The following VPS26B variants were observed in gnomAD, a reference collection of about 807,000 sequenced individuals.
VPS26B encodes the protein vacuolar protein sorting-associated protein 26B.
In VPS26B, 10 loss-of-function variants were observed where a neutral mutation model predicts 33.3. The ratio of observed to expected loss-of-function variants is 0.30; its 90% CI spans 0.19 to 0.51. The LOEUF (loss-of-function observed/expected upper bound fraction) is 0.51, where lower values mean the gene tolerates loss of function less well. Among genes scored for constraint, VPS26B ranks in the 20% least tolerant of loss-of-function variants. The pLI, the probability that VPS26B is intolerant of heterozygous loss-of-function variation, is 0.98. For synonymous variants in VPS26B, 190 were observed against 176.9 expected (o/e 1.07, Z -0.59); for missense variants, 317 against 452.7 (o/e 0.70, Z 2.72).
chr11:134,242,960 G>A (rs558633096), intron 3 of VPS26B, among the ~76,000 whole-genome samples, 159 bp from the exon 4 acceptor site: 76 of 152,248 alleles, frequency 5.0e-4, no homozygotes, highest in African/African-American at 1.6e-3. Flanking sequence ...ACCGCACTGG[G>A]AAACAGTTCA....
chr11:134,235,196 T>C (rs1938613586), intron 2 of VPS26B, 143 bp downstream of exon 2: 1 of 1,088,012 alleles, frequency 9.2e-7, no homozygotes, highest in Non-Finnish European at 1.3e-6. Flanking sequence ...TGGTAAACCA[T>C]TAACCGTGGG....
In VPS26B at chr11:134,245,583, G is replaced by C; in HGVS notation, c.1004G>C (p.Arg335Thr). 1 of 1,609,894 alleles carries C rather than the reference G, an allele frequency of 6.2e-7. No individual in the cohort carries two copies. The highest frequency in any genetic ancestry group is 1.3e-5 in the African/African-American group (1 of 75,024). ...AGCCAGCTGTCTGACAACAACTGCA[G>C]GCAGTAGGCCCCCAGGGCCGAGAAG... is the stretch of plus-strand genomic sequence containing the variant. Reference protein sequence around the residue: ...TPSQLSDNNCRQ With the variant: ...TPSQLSDNNCTQ The change falls in exon 6 of 6, where the codon AGG (arginine) becomes ACG (threonine). Residue 335 changes from arginine to threonine, a missense_variant. Coordinates refer to ENST00000281187, the MANE Select transcript of VPS26B (RefSeq NM_052875.5). The surrounding 1 kb of genome is among the most constrained non-coding windows in gnomAD (Gnocchi z 4.7).
At chr11:134,237,044 A>G (rs1239434963) in intron 2 of VPS26B, among the ~76,000 whole-genome samples, 1 of 152,234 alleles carries the variant, frequency 6.6e-6, no homozygotes, top group Non-Finnish European at 1.5e-5. Context: ...TGCGAAAGAG[A>G]GGAGGTAGAG....
At position 134,240,779 on chromosome 11, in the gene VPS26B, G is replaced by C. The variant is rs1293123486; in HGVS notation, c.545+624G>C. Among the ~76,000 whole-genome samples the C allele has an allele frequency of 7.2e-6, 1 of 138,022 alleles. No homozygotes were observed. The highest frequency in any genetic ancestry group is 2.8e-5 in the African/African-American group (1 of 36,180). 90.5% of individuals were successfully genotyped at this position (138,022 alleles called of 152,430 possible). A position where few individuals can be genotyped will look rare whatever the true frequency, so the allele number is the denominator to read the frequency against. On this transcript the variant is annotated intron_variant, in intron 3 of 5. Transcript: ENST00000281187. The surrounding 1 kb of genome is among the most constrained non-coding windows in gnomAD (Gnocchi z 4.4). ...ACACCCAGCTAATTTGTGTCCGTGT[G>C]TGTGTGTGTGTGTCCGTGTGTGTGT...
chr11:134,228,350 C>G (rs1476276225), intron 1 of VPS26B, among the ~76,000 whole-genome samples: 1 of 150,508 alleles, frequency 6.6e-6, no homozygotes, highest in Non-Finnish European at 1.5e-5. Context: ...ATTAGAATAA[C>G]CTTTGTAGTT....
intron 2 of VPS26B, chr11:134,239,596 A>G: frequency 5.0e-6 from 1 of 201,530 alleles, no homozygotes. Context: ...CCCAAAAGCC[A>G]GGAGTTAGCT....
intron 1 of VPS26B, among the ~76,000 whole-genome samples, chr11:134,229,041 A>AT (rs910003872): frequency 6.6e-6 from 1 of 152,020 alleles, no homozygotes; most frequent in African/African-American, 2.4e-5. Flanking sequence ...TATTTAAAAA[A>AT]TTTTTTGAGA....
In VPS26B at chr11:134,245,795, G is replaced by A. The variant is rs755464768; in HGVS notation, c.*205G>A. ...AAGCAGTCTCTCCTTGGGATTCTGC[G>A]GCCGATGTGGGATAGAAGAGGTAGC... is the stretch of plus-strand genomic sequence containing the variant. On this transcript the variant is annotated 3_prime_UTR_variant, in exon 6 of 6. Coordinates refer to ENST00000281187, the MANE Select transcript of VPS26B (RefSeq NM_052875.5). This position sits in a 1 kb window ranked among gnomAD's most constrained non-coding sequence, Gnocchi z 4.7. 3.8e-5 allele frequency: 25 copies of A among 654,458 alleles called. No homozygotes were observed. The highest frequency in any genetic ancestry group is 8.5e-5 in the South Asian group (4 of 46,858). 40.5% of individuals were successfully genotyped at this position (654,458 alleles called of 1,614,324 possible).
chr11:134,238,919 A>T (rs1053857891), intron 2 of VPS26B, among the ~76,000 whole-genome samples: 13 of 152,206 alleles, frequency 8.5e-5, no homozygotes, highest in African/African-American at 2.7e-4. Flanking sequence ...TCATCTGGTA[A>T]TGCTTGACAG....
chr11:134,225,633 G>A (rs1000983281), intron 1 of VPS26B, among the ~76,000 whole-genome samples: 6 of 152,234 alleles, frequency 3.9e-5, no homozygotes, highest in Admixed American at 3.9e-4. Context: ...TCTCCCCATT[G>A]TCTCCGGCAT....
rs758625063 is a variant in VPS26B at position 134,240,600 on chromosome 11, A to G, written c.545+445A>G. On this transcript the variant is annotated intron_variant, in intron 3 of 5. Transcript: ENST00000281187. This position sits in a 1 kb window ranked among gnomAD's most constrained non-coding sequence, Gnocchi z 4.4. Reference sequence around the variant, plus strand: ...CCATGATTTGCTGCTTCCTCCCTGAACTAAAATGAATTATAGCAAAGAATA... The same window carrying G: ...CCATGATTTGCTGCTTCCTCCCTGAGCTAAAATGAATTATAGCAAAGAATA... Among the ~76,000 whole-genome samples, 8 of 152,180 alleles carry G rather than the reference A, an allele frequency of 5.3e-5. No individual in the cohort carries two copies. The highest frequency in any genetic ancestry group is 1.0e-4 in the Non-Finnish European group (7 of 68,030).
chr11:134,242,801 T>G (rs1420835706), intron 3 of VPS26B, among the ~76,000 whole-genome samples: 1 of 152,222 alleles, frequency 6.6e-6, no homozygotes, highest in African/African-American at 2.4e-5. Context: ...CATTAGGATA[T>G]CTTTCAAAAA....
chr11:134,241,850 A>T (rs1039829003), intron 3 of VPS26B, among the ~76,000 whole-genome samples: 1 of 152,246 alleles, frequency 6.6e-6, no homozygotes, highest in African/African-American at 2.4e-5. Flanking sequence ...TTGGGCGGTC[A>T]GCAGATACTA....
intron 3 of VPS26B, among the ~76,000 whole-genome samples, chr11:134,242,741 C>T (rs911948285): frequency 2.0e-5 from 3 of 152,226 alleles, no homozygotes; most frequent in African/African-American, 7.2e-5. Flanking sequence ...GTGTGGAGAT[C>T]AGAGGAAGGG....
intron 1 of VPS26B, 23 bp downstream of exon 1, chr11:134,225,368 C>T (rs1938430764): frequency 2.5e-6 from 4 of 1,611,564 alleles, no homozygotes; most frequent in Middle Eastern, 1.6e-4. Flanking sequence ...CCGGGACCCC[C>T]TCCCCCAGCG....
At chr11:134,237,107 T>C (rs1434234245) in intron 2 of VPS26B, among the ~76,000 whole-genome samples, 1 of 152,218 alleles carries the variant, frequency 6.6e-6, no homozygotes, top group Non-Finnish European at 1.5e-5. Flanking sequence ...GATTAAAAGC[T>C]TTTTCTTATT....
chr11:134,225,309 C>T lies in VPS26B; in HGVS notation c.187C>T (p.His63Tyr). The change falls in exon 1 of 6, where the codon CAC (histidine) becomes TAC (tyrosine). Residue 63 changes from histidine (H) to tyrosine (Y), a missense_variant. Physicochemically the swap from His to Tyr is moderately conservative, Grantham distance 83. Coordinates refer to ENST00000281187, the MANE Select transcript of VPS26B (RefSeq NM_052875.5). The stretch of plus-strand genomic sequence containing the variant: ...CAAGAACCCCAACAAGCGGCTGGAG[C>T]ACCAGGGCATCAAGATCGAGTTCAT... ...ALKNPNKRLEHQGIKIEFIGQ... is the reference protein window; with the variant it reads ...ALKNPNKRLEYQGIKIEFIGQ... 2 of 1,614,052 alleles carry T rather than the reference C, an allele frequency of 1.2e-6. No individual in the cohort carries two copies. The highest frequency in any genetic ancestry group is 1.7e-5 in the Admixed American group (1 of 60,028).
intron 1 of VPS26B, among the ~76,000 whole-genome samples, chr11:134,226,319 T>G (rs753267727): frequency 1.9e-4 from 29 of 152,052 alleles, no homozygotes; most frequent in Admixed American, 5.9e-4. Context: ...GATGGGAGGA[T>G]TGTTTGAACC....
Position 134,225,008 on chromosome 11 carries a change from C to A in VPS26B, c.-115C>A, listed in dbSNP as rs1467376984. The A allele has an allele frequency of 2.0e-6, 2 of 992,800 alleles. No individual in the cohort carries two copies. Among genetic ancestry groups the A allele is most frequent in the Non-Finnish European group, 2.7e-6 (2 of 748,446 alleles). 61.5% of individuals were successfully genotyped at this position (992,800 alleles called of 1,614,324 possible). On this transcript the variant is annotated 5_prime_UTR_variant, in exon 1 of 6. Transcript: ENST00000281187. ...CGGCAGCGGCGGAGCCAGGCAGCCC[C>A]GCGGCGGCCGAGCGCGCTCGCGCAT...
Sources: allele counts gnomAD v4.1 joint callset (sites outside exome capture counted in the v4.1 genomes callset), GRCh38; gene constraint gnomAD v4.1.1; non-coding constraint Gnocchi (gnomAD v3.1); transcripts MANE v1.5; gene names NCBI Gene and HGNC (gene_info 2026-07-23, HGNC 2026-07-21).